ADAMTSL1: variants seen among roughly 807,000 people sequenced by gnomAD.
The protein encoded by ADAMTSL1 is ADAMTS-like protein 1.
In ADAMTSL1, 126 loss-of-function variants were observed where a neutral mutation model predicts 201.8. That is an observed-to-expected ratio of 0.62 (90% CI 0.54 to 0.72). The LOEUF (loss-of-function observed/expected upper bound fraction) is 0.72, where lower values mean the gene tolerates loss of function less well. ADAMTSL1 is among the 30% of genes least tolerant of loss of function. The pLI, the probability that ADAMTSL1 is intolerant of heterozygous loss-of-function variation, is 0.00. For synonymous variants in ADAMTSL1, 1,121 were observed against 903.4 expected, an observed-to-expected ratio of 1.24 and a Z score of -4.32; for missense variants, 2,679 against 2,277.8, an observed-to-expected ratio of 1.18 and a Z score of -3.59.
rs1827645433 is a variant in ADAMTSL1, at chr9:17,949,551, CTG to C, written c.87+42630_87+42631del. 1.2e-4 allele frequency among the ~76,000 whole-genome samples: 18 copies of C among 152,268 alleles called. No homozygotes were observed. The South Asian group carries it at 3.7e-3, about 32-fold the overall frequency. ...CCTTTTATTAATCAAATTATTTTAACTGAGACCGTCATTTTGTTCAGAATCCT... is the reference window on the plus strand; with the variant it reads ...CCTTTTATTAATCAAATTATTTTAACAGACCGTCATTTTGTTCAGAATCCT... On this transcript the variant is annotated intron_variant, in intron 1 of 29. Coordinates refer to the ADAMTSL1 transcript ENST00000680146.
chr9:18,301,789 A>G (rs1349467676), intron 2 of ADAMTSL1, among the ~76,000 whole-genome samples: 5 of 152,246 alleles, frequency 3.3e-5, no homozygotes, highest in Non-Finnish European at 7.3e-5. Context: ...GGGGCAAGGT[A>G]GTGACAATGA....
rs1464984037 is a variant in ADAMTSL1, at chr9:18,853,923, G to GCA, written c.4249+23946_4249+23947insCA. Among the ~76,000 whole-genome samples the GCA allele has an allele frequency of 4.6e-5, 7 of 152,064 alleles. 1 individual carries two copies. In the South Asian group the frequency reaches 6.2e-4, roughly 14 times the overall value. Reference sequence around the variant, plus strand: ...TGTGTGTGTGTGTGTGTGTGTGCGCGTGCATGCAAATAGTTGATTATAATA... The same window carrying GCA: ...TGTGTGTGTGTGTGTGTGTGTGCGCGCATGCATGCAAATAGTTGATTATAATA... On this transcript the variant is annotated intron_variant, in intron 23 of 28. Transcript: ENST00000380548.
In ADAMTSL1 at chr9:18,909,610, T is replaced by C. The variant is rs1287109545; in HGVS notation, c.*1062T>C. 6.6e-6 allele frequency: 1 copy of C among 151,956 alleles called. No individual in the cohort carries two copies. Among genetic ancestry groups the C allele is most frequent in the Non-Finnish European group, 1.5e-5 (1 of 68,054 alleles). 9.4% of individuals were successfully genotyped at this position (151,956 alleles called of 1,614,324 possible). ...TGCTCCACCGAAGGGCCAGGGACTA[T>C]GGTTAACTTATCAACATCAACCCAT... On this transcript the variant is annotated 3_prime_UTR_variant, in exon 29 of 29. Coordinates refer to ENST00000380548, the MANE Select transcript of ADAMTSL1 (RefSeq NM_001040272.6).
At chr9:18,318,506 C>G (rs2132839860) in intron 2 of ADAMTSL1, among the ~76,000 whole-genome samples, 1 of 152,312 alleles carries the variant, frequency 6.6e-6, no homozygotes, top group Non-Finnish European at 1.5e-5. Context: ...CTGAAGGTTA[C>G]AAGATATTGG....
intron 2 of ADAMTSL1, among the ~76,000 whole-genome samples, chr9:18,522,942 T>C (rs1818793811): frequency 6.6e-6 from 1 of 152,208 alleles, no homozygotes; most frequent in Non-Finnish European, 1.5e-5. Context: ...TTATAATCCT[T>C]TGGGTATATA....
intron 19 of ADAMTSL1, among the ~76,000 whole-genome samples, chr9:18,792,880 C>T (rs1024598414): frequency 2.0e-5 from 3 of 152,158 alleles, no homozygotes; most frequent in Admixed American, 6.5e-5. Flanking sequence ...TTATTAGCTT[C>T]TTCGAAATAA....
chr9:18,380,089 T>C (rs1455252616), intron 2 of ADAMTSL1, among the ~76,000 whole-genome samples: 3 of 152,246 alleles, frequency 2.0e-5, no homozygotes, highest in African/African-American at 7.2e-5. Context: ...CTTTCCCCTC[T>C]ATGTTCTTAT....
In ADAMTSL1 at chr9:18,178,729, G is replaced by A. The variant is rs567692350; in HGVS notation, c.207+14748G>A. ...AGTGGGTCCCTGACCCCTGACCCCC[G>A]AGCAGCCTAACTGGGAGGCACCCCC... On this transcript the variant is annotated intron_variant, in intron 2 of 29. Coordinates refer to the ADAMTSL1 transcript ENST00000680146. Among the ~76,000 whole-genome samples, 867 of 152,012 alleles carry A rather than the reference G, an allele frequency of 5.7e-3. 5 individuals carry two copies. Among genetic ancestry groups the A allele is most frequent in the Non-Finnish European group, 8.5e-3 (577 of 67,980 alleles).
chr9:18,421,819 G>T (rs540199689), intron 2 of ADAMTSL1, among the ~76,000 whole-genome samples: 4 of 152,296 alleles, frequency 2.6e-5, no homozygotes, highest in African/African-American at 9.6e-5. Context: ...TACAGGTATT[G>T]CAGAGTTACT....
intron 2 of ADAMTSL1, among the ~76,000 whole-genome samples, chr9:18,294,062 T>G (rs1833377189): frequency 6.6e-6 from 1 of 151,666 alleles, no homozygotes. Context: ...ACGAGGAGAG[T>G]TCCTGTGCTG....
intron 1 of ADAMTSL1, among the ~76,000 whole-genome samples, chr9:18,159,425 A>C (rs1007977864): frequency 6.6e-6 from 1 of 151,996 alleles, no homozygotes; most frequent in Non-Finnish European, 1.5e-5. Flanking sequence ...AACTTCAGTT[A>C]TTTCCACAGC....
chr9:18,169,606 C>T (rs960822024), intron 2 of ADAMTSL1, among the ~76,000 whole-genome samples: 7 of 152,178 alleles, frequency 4.6e-5, no homozygotes, highest in Admixed American at 1.3e-4. Context: ...CTTGGCGATG[C>T]GGGCTCTTTT....
At chr9:18,418,696 A>G (rs1325962771) in intron 2 of ADAMTSL1, among the ~76,000 whole-genome samples, 1 of 152,164 alleles carries the variant, frequency 6.6e-6, no homozygotes, top group Non-Finnish European at 1.5e-5. Context: ...ATCAAAGAAG[A>G]CCTAAGTAAA....
At chr9:18,547,421 G>T (rs780602983) in intron 3 of ADAMTSL1, among the ~76,000 whole-genome samples, 1 of 151,818 alleles carries the variant, frequency 6.6e-6, no homozygotes, top group Non-Finnish European at 1.5e-5. Context: ...ACCAAAAATG[G>T]AAAATAAATG....
At chr9:17,939,112 A>C (rs1233360046) in intron 1 of ADAMTSL1, among the ~76,000 whole-genome samples, 1 of 152,022 alleles carries the variant, frequency 6.6e-6, no homozygotes, top group Non-Finnish European at 1.5e-5. Flanking sequence ...CCTTCCACTC[A>C]TAGCTTATTT....
chr9:18,086,145 G>T (rs1823761614), intron 1 of ADAMTSL1, among the ~76,000 whole-genome samples: 1 of 152,030 alleles, frequency 6.6e-6, no homozygotes, highest in Non-Finnish European at 1.5e-5. Context: ...TTTTTGACAT[G>T]TTATGTTTGA....
intron 2 of ADAMTSL1, among the ~76,000 whole-genome samples, chr9:18,389,501 C>T (rs564436105): frequency 6.6e-6 from 1 of 152,236 alleles, no homozygotes; most frequent in South Asian, 2.1e-4. Context: ...TTATTGAAAT[C>T]ATTTCATCCA....
intron 1 of ADAMTSL1, among the ~76,000 whole-genome samples, chr9:18,008,242 T>C (rs1819911695): frequency 2.0e-5 from 3 of 151,982 alleles, no homozygotes; most frequent in Non-Finnish European, 2.9e-5. Context: ...AATGGCTAAA[T>C]AAGTTCTTGC....
intron 1 of ADAMTSL1, among the ~76,000 whole-genome samples, chr9:17,914,016 G>T (rs1490073171): frequency 1.3e-5 from 2 of 152,164 alleles, no homozygotes; most frequent in Non-Finnish European, 2.9e-5. Context: ...CTCTGAAATT[G>T]TGGCAATAAT....
Sources: gnomAD v4.1 joint callset for allele counts (sites outside exome capture counted in the v4.1 genomes callset) on GRCh38, gnomAD v4.1.1 for gene constraint, MANE v1.5 for transcripts, NCBI Gene and HGNC (gene_info 2026-07-23, HGNC 2026-07-21) for gene names.